The following TSPO variants were observed in gnomAD, a reference collection of about 807,000 sequenced individuals.
The protein encoded by TSPO is translocator protein, also known as benzodiazepine peripheral binding site.
In TSPO, 14 loss-of-function variants were observed where a neutral mutation model predicts 13.9. That is an observed-to-expected ratio of 1.01 (90% CI 0.67 to 1.58). The LOEUF is 1.58. TSPO is among the 40% of genes most tolerant of loss of function. The pLI is 0.00. For missense variants in TSPO, 232 were observed against 229.6 expected, an observed-to-expected ratio of 1.01 and a Z score of -0.07; for synonymous variants, 114 against 105.9, an observed-to-expected ratio of 1.08 and a Z score of -0.47.
At chr22:43,158,128 C>T (rs145067338) in intron 1 of TSPO, among the ~76,000 whole-genome samples, 1 of 152,342 alleles carries the variant, frequency 6.6e-6, no homozygotes, top group East Asian at 1.9e-4. Context: ...AAGTTCAGCA[C>T]AGTCTCTGCT....
rs532058134 is a variant in TSPO at position 43,152,460 on chromosome 22, G to T, written c.-30+856G>T. On this transcript the variant is annotated intron_variant, in intron 1 of 3. Transcript: ENST00000337554. ...GTGGTGTACAGGAAGCAGCCGCCCA[G>T]CTTGCCTGGCACACAGCAAGCCCTG... is the stretch of plus-strand genomic sequence containing the variant. Among the ~76,000 whole-genome samples, 30 of 152,396 alleles carry T rather than the reference G, an allele frequency of 2.0e-4. No individual in the cohort carries two copies. The South Asian group carries it at 3.1e-3, about 16-fold the overall frequency.
intron 1 of TSPO, among the ~76,000 whole-genome samples, chr22:43,155,243 G>C (rs919049685): frequency 4.6e-5 from 7 of 152,326 alleles, no homozygotes; most frequent in African/African-American, 1.7e-4. Context: ...GGGCCGTGTG[G>C]CTCAGGGAGA....
chr22:43,156,958 G>A (rs909988754), intron 1 of TSPO, among the ~76,000 whole-genome samples: 18 of 152,134 alleles, frequency 1.2e-4, no homozygotes, highest in Non-Finnish European at 1.9e-4. Flanking sequence ...GAGGCTGAAC[G>A]AGGCTCCTTA....
At chr22:43,159,808 A>G (rs1398065268) in intron 2 of TSPO, 3 of 180,454 alleles carry the variant, frequency 1.7e-5, no homozygotes, top group East Asian at 1.3e-4. Flanking sequence ...TTCATACTCA[A>G]CGACCCCCAT....
At chr22:43,157,029 ATGTCT>A (rs1931272563) in intron 1 of TSPO, among the ~76,000 whole-genome samples, 1 of 152,158 alleles carries the variant, frequency 6.6e-6, no homozygotes, top group Non-Finnish European at 1.5e-5. Flanking sequence ...AGCAGCGGTT[ATGTCT>A]TGGTTGCCCA....
chr22:43,158,460 G>A (rs1931325337), intron 1 of TSPO, among the ~76,000 whole-genome samples: 1 of 152,176 alleles, frequency 6.6e-6, no homozygotes, highest in Non-Finnish European at 1.5e-5. Context: ...ATCAGAGTGA[G>A]TGGGAGCTTA....
rs1387073642 is a variant in TSPO, at chr22:43,159,273, C to T, written c.35C>T (p.Thr12Met). 3.9e-6 allele frequency: 6 copies of T among 1,558,078 alleles called. No individual in the cohort carries two copies. Among genetic ancestry groups the T allele is most frequent in the African/African-American group, 2.7e-5 (2 of 73,606 alleles). Residue 12 changes from threonine to methionine, a missense_variant, in exon 2 of 4, where the codon ACG becomes ATG. Physicochemically the swap from Thr to Met is moderately conservative, Grantham distance 81 (BLOSUM62 -1). Transcript: ENST00000337554. ...CCCTGGGTGCCCGCCATGGGCTTCACGCTGGCGCCCAGCCTGGGGTGCTTC... is the reference window on the plus strand; with the variant it reads ...CCCTGGGTGCCCGCCATGGGCTTCATGCTGGCGCCCAGCCTGGGGTGCTTC... ...APPWVPAMGFTLAPSLGCFVG... is the reference protein window; with the variant it reads ...APPWVPAMGFMLAPSLGCFVG...
At chr22:43,152,951 G>C (rs1405713172) in intron 1 of TSPO, among the ~76,000 whole-genome samples, 1 of 121,812 alleles carries the variant, frequency 8.2e-6, no homozygotes, top group Non-Finnish European at 1.7e-5. Flanking sequence ...GGGGTGAGGG[G>C]CTTGGGCTCG....
intron 1 of TSPO, among the ~76,000 whole-genome samples, chr22:43,156,028 G>A (rs1394365658): frequency 1.3e-5 from 2 of 152,224 alleles, no homozygotes; most frequent in African/African-American, 4.8e-5. Context: ...CCCCGCCCCC[G>A]ACCAGGCTTT....
intron 1 of TSPO, among the ~76,000 whole-genome samples, chr22:43,155,200 G>A (rs547994320): frequency 1.3e-5 from 2 of 152,302 alleles, no homozygotes; most frequent in South Asian, 4.1e-4. Flanking sequence ...CTGGAAAATG[G>A]GACCAGTCAC....
At chr22:43,156,528 G>A (rs1040942758) in intron 1 of TSPO, among the ~76,000 whole-genome samples, 2 of 150,598 alleles carry the variant, frequency 1.3e-5, no homozygotes, top group African/African-American at 4.9e-5. Flanking sequence ...CAGATTGCTG[G>A]CGGCCAGGGG....
At position 43,160,603 on chromosome 22, in the gene TSPO, AC is replaced by A. The variant is rs1387842092; in HGVS notation, c.183-446del. On this transcript the variant is annotated intron_variant, in intron 2 of 3. Transcript: ENST00000337554. Reference sequence around the variant, plus strand: ...ATGATCAGGCCTCCCCCTGGACCTCACCCTGCAGTCACAGACTGACTCAGGG... The same window carrying A: ...ATGATCAGGCCTCCCCCTGGACCTCACCTGCAGTCACAGACTGACTCAGGG... Among the ~76,000 whole-genome samples, 3 of 152,124 alleles carry A rather than the reference AC, an allele frequency of 2.0e-5. No individual in the cohort carries two copies. In the East Asian group the frequency reaches 5.8e-4, roughly 29 times the overall value.
chr22:43,153,048 C>G (rs1931128357), intron 1 of TSPO, among the ~76,000 whole-genome samples: 1 of 151,570 alleles, frequency 6.6e-6, no homozygotes, highest in African/African-American at 2.4e-5. Context: ...CCCTTCCCAC[C>G]CCTTCTTTCT....
chr22:43,159,897 C>T (rs1931380331), intron 2 of TSPO, among the ~76,000 whole-genome samples: 1 of 152,138 alleles, frequency 6.6e-6, no homozygotes, highest in South Asian at 2.1e-4. Flanking sequence ...TGGCCTGAGT[C>T]CCCTGGGAAT....
At chr22:43,162,773 TC>T in intron 3 of TSPO, 29 bp from the exon 4 acceptor site, 2 of 1,518,366 alleles carry the variant, frequency 1.3e-6, no homozygotes, top group Admixed American at 2.1e-5. Flanking sequence ...GCCTCAGGCC[TC>T]CCCATCCTCC....
rs1931418643 is a variant in TSPO at position 43,161,040 on chromosome 22, CCT to C, written c.183-9_183-8del. ...TTCCTAATGGTGCTCTGAACTGCGG[CCT>C]CTGTTTCAGGTACGGCTCCTACCTG... is the stretch of plus-strand genomic sequence containing the variant. On this transcript the variant is annotated splice_polypyrimidine_tract_variant and intron_variant, in intron 2 of 3. Coordinates refer to ENST00000337554, the MANE Select transcript of TSPO (RefSeq NM_000714.6). The C allele has an allele frequency of 1.9e-6, 3 of 1,610,142 alleles. No homozygotes were observed. The highest frequency in any genetic ancestry group is 2.5e-6 in the Non-Finnish European group (3 of 1,177,916).
At chr22:43,157,717 C>T (rs1931297854) in intron 1 of TSPO, among the ~76,000 whole-genome samples, 1 of 152,104 alleles carries the variant, frequency 6.6e-6, no homozygotes, top group African/African-American at 2.4e-5. Context: ...GTAATCCCAG[C>T]TACTTGGGAG....
At chr22:43,160,281 T>C (rs912729957) in intron 2 of TSPO, among the ~76,000 whole-genome samples, 1 of 152,158 alleles carries the variant, frequency 6.6e-6, no homozygotes, top group Non-Finnish European at 1.5e-5. Context: ...GGGGGAAATT[T>C]TGGGGCTCCC....
chr22:43,155,693 C>G (rs1026004757), intron 1 of TSPO, among the ~76,000 whole-genome samples: 3 of 152,206 alleles, frequency 2.0e-5, no homozygotes, highest in African/African-American at 7.2e-5. Context: ...GTTTACCCAC[C>G]TGACGTTGGA....
Sources: allele counts gnomAD v4.1 joint callset (sites outside exome capture counted in the v4.1 genomes callset), GRCh38; gene constraint gnomAD v4.1.1; transcripts MANE v1.5; gene names NCBI Gene and HGNC (gene_info 2026-07-23, HGNC 2026-07-21).